The following NELL2 variants were observed in gnomAD, a reference collection of about 807,000 sequenced individuals.
NELL2 encodes the protein neural EGFL like 2.
In NELL2, 41 loss-of-function variants were observed where a neutral mutation model predicts 109.6. The observed-to-expected ratio is 0.37, with a 90% CI of 0.29 to 0.49. NELL2 has a LOEUF of 0.49. Among genes scored for constraint, NELL2 ranks in the 20% least tolerant of loss-of-function variants. The pLI is 0.98. For missense variants in NELL2, 900 were observed against 1,008.3 expected (o/e 0.89, Z 1.45); for synonymous variants, 355 against 344.7 (o/e 1.03, Z -0.33).
chr12:44,782,218 T>C (rs1941988760), intron 3 of NELL2, among the ~76,000 whole-genome samples: 1 of 151,892 alleles, frequency 6.6e-6, no homozygotes, highest in South Asian at 2.1e-4. Context: ...AGTTATAAGT[T>C]ATGTATATAT....
intron 13 of NELL2, among the ~76,000 whole-genome samples, chr12:44,638,874 G>A (rs970591029): frequency 6.6e-6 from 1 of 152,132 alleles, no homozygotes; most frequent in Non-Finnish European, 1.5e-5. Context: ...CTGTTCAACA[G>A]AAATATAATG....
At chr12:44,807,753 A>C (rs968288509) in intron 3 of NELL2, among the ~76,000 whole-genome samples, 5 of 152,040 alleles carry the variant, frequency 3.3e-5, no homozygotes, top group Non-Finnish European at 5.9e-5. Context: ...ATTTCCAATG[A>C]ACAATTCACC....
intron 9 of NELL2, among the ~76,000 whole-genome samples, chr12:44,732,232 A>G (rs1353757763): frequency 6.6e-6 from 1 of 152,062 alleles, no homozygotes; most frequent in Non-Finnish European, 1.5e-5. Context: ...TAAAATTCAT[A>G]TGGAGCCATA....
rs536118362 is a variant in NELL2, at chr12:44,805,430, C to A, written c.335+10556G>T. Among the ~76,000 whole-genome samples, 8 of 151,876 alleles carry A rather than the reference C, an allele frequency of 5.3e-5. No individual in the cohort carries two copies. The East Asian group carries it at 1.5e-3, about 29-fold the overall frequency. On this transcript the variant is annotated intron_variant, in intron 3 of 19. Coordinates refer to ENST00000429094, the MANE Select transcript of NELL2 (RefSeq NM_001145108.2). ...AGAACAGAAAACAGGGCCCAGAAAC[C>A]GACCTCAGCATTGATGGAGATTTGA...
At chr12:44,783,081 C>A (rs1942024326) in intron 3 of NELL2, among the ~76,000 whole-genome samples, 1 of 151,766 alleles carries the variant, frequency 6.6e-6, no homozygotes, top group Non-Finnish European at 1.5e-5. Context: ...CACTGAAAAT[C>A]AATAACCAGA....
chr12:44,556,321 T>G (rs1199710889), intron 15 of NELL2, among the ~76,000 whole-genome samples: 1 of 152,150 alleles, frequency 6.6e-6, no homozygotes, highest in African/African-American at 2.4e-5. Flanking sequence ...GGGGCTGATT[T>G]GAAATCTTAA....
At chr12:44,742,493 G>C (rs1327483931) in intron 9 of NELL2, among the ~76,000 whole-genome samples, 2 of 152,198 alleles carry the variant, frequency 1.3e-5, no homozygotes, top group Non-Finnish European at 2.9e-5. Context: ...GAAGGCTTCA[G>C]ACGATCAAAC....
intron 2 of NELL2, among the ~76,000 whole-genome samples, chr12:44,874,528 T>C (rs540745647): frequency 6.6e-6 from 1 of 152,352 alleles, no homozygotes; most frequent in East Asian, 1.9e-4. Context: ...ATGTAGACAT[T>C]TGTGCCCAGC....
At chr12:44,841,259 C>T (rs1024903302) in intron 2 of NELL2, among the ~76,000 whole-genome samples, 4 of 152,140 alleles carry the variant, frequency 2.6e-5, no homozygotes, top group Non-Finnish European at 5.9e-5. Context: ...ACCCCATGGT[C>T]CTTTTCACAT....
intron 2 of NELL2, among the ~76,000 whole-genome samples, chr12:44,828,982 C>A (rs539309091): frequency 2.0e-5 from 3 of 152,228 alleles, no homozygotes; most frequent in South Asian, 4.2e-4. Context: ...AAAATTGGCA[C>A]TTGAGTTTAT....
chr12:44,693,910 T>A (rs1176437412), intron 12 of NELL2, among the ~76,000 whole-genome samples: 2 of 152,208 alleles, frequency 1.3e-5, no homozygotes, highest in Non-Finnish European at 2.9e-5. Flanking sequence ...AATGTTTCCA[T>A]ATATCATATT....
intron 9 of NELL2, among the ~76,000 whole-genome samples, chr12:44,751,526 C>T (rs909587080): frequency 6.6e-6 from 1 of 152,044 alleles, no homozygotes; most frequent in African/African-American, 2.4e-5. Flanking sequence ...TTTCAAAAAG[C>T]ATGTCTGTAA....
chr12:44,717,342 T>C (rs1162842142), intron 9 of NELL2, among the ~76,000 whole-genome samples: 1 of 152,182 alleles, frequency 6.6e-6, no homozygotes, highest in African/African-American at 2.4e-5. Context: ...TTCATACATT[T>C]AACAAATATG....
intron 15 of NELL2, among the ~76,000 whole-genome samples, chr12:44,589,532 T>C (rs79633177): frequency 0.016 from 2,464 of 152,170 alleles, 52 homozygotes; most frequent in African/African-American, 0.056. Context: ...TACAGGCACG[T>C]ACCACCTCCA....
chr12:44,715,863 C>T (rs10785518), intron 9 of NELL2, among the ~76,000 whole-genome samples: 108,541 of 152,116 alleles, frequency 0.71, 38,972 homozygotes, highest in Non-Finnish European at 0.74. Context: ...GAGAAATTGT[C>T]TCACTCTTTG....
rs944536798 is a variant in NELL2 at position 44,641,467 on chromosome 12, C to T, written c.1444+24017G>A. Among the ~76,000 whole-genome samples the T allele has an allele frequency of 5.3e-5, 8 of 151,824 alleles. No homozygotes were observed. In the South Asian group the frequency reaches 8.3e-4, roughly 16 times the overall value. On this transcript the variant is annotated intron_variant, in intron 13 of 19. Coordinates refer to ENST00000429094, the MANE Select transcript of NELL2 (RefSeq NM_001145108.2). ...ACATAAAGCCAATCTTACCTGACAACGTAAGAAAACCATGTGATCAAAATG... is the reference window on the plus strand; with the variant it reads ...ACATAAAGCCAATCTTACCTGACAATGTAAGAAAACCATGTGATCAAAATG...
intron 2 of NELL2, among the ~76,000 whole-genome samples, chr12:44,850,011 C>A (rs1231227143): frequency 6.6e-6 from 1 of 152,146 alleles, no homozygotes; most frequent in African/African-American, 2.4e-5. Context: ...GCACATGGAA[C>A]TTTCCCTGGG....
At chr12:44,716,700 T>C (rs1938506168) in intron 9 of NELL2, among the ~76,000 whole-genome samples, 1 of 152,134 alleles carries the variant, frequency 6.6e-6, no homozygotes, top group South Asian at 2.1e-4. Context: ...ATTCAGTACC[T>C]GCCATTCAAA....
Position 44,661,703 on chromosome 12 carries a change from C to T in NELL2, c.1444+3781G>A, listed in dbSNP as rs1006458487. 3.9e-5 allele frequency among the ~76,000 whole-genome samples: 6 copies of T among 152,258 alleles called. No individual in the cohort carries two copies. The South Asian group carries it at 1.2e-3, about 32-fold the overall frequency. ...GCTTACGTGAGTGAACCAAAAAAAG[C>T]CATTCGTCCATATAAGTAATCAAGA... On this transcript the variant is annotated intron_variant, in intron 13 of 19. Coordinates refer to ENST00000429094, the MANE Select transcript of NELL2 (RefSeq NM_001145108.2).
Sources: gnomAD v4.1 joint callset for allele counts (sites outside exome capture counted in the v4.1 genomes callset) on GRCh38, gnomAD v4.1.1 for gene constraint, MANE v1.5 for transcripts, NCBI Gene and HGNC (gene_info 2026-07-23, HGNC 2026-07-21) for gene names.